The following STXBP6 variants were observed in gnomAD, a reference collection of about 807,000 sequenced individuals.
STXBP6 encodes syntaxin-binding protein 6.
STXBP6 carries 21 observed loss-of-function variants against 26.9 expected under a neutral mutation model. The ratio of observed to expected loss-of-function variants is 0.78; its 90% CI spans 0.55 to 1.12. The LOEUF (loss-of-function observed/expected upper bound fraction) is 1.12, where lower values mean the gene tolerates loss of function less well. STXBP6 is among the 50% of genes most tolerant of loss of function. The probability of loss-of-function intolerance (pLI) is 0.00; values close to 1 mark genes in which losing one functional copy is unlikely to be tolerated. For missense variants in STXBP6, 232 were observed against 257.9 expected, an observed-to-expected ratio of 0.90 and a Z score of 0.69; for synonymous variants, 97 against 92.6, an observed-to-expected ratio of 1.05 and a Z score of -0.27.
chr14:24,855,818 G>C (rs1195349992), intron 4 of STXBP6, 118 bp downstream of exon 4: 2 of 921,806 alleles, frequency 2.2e-6, no homozygotes, highest in East Asian at 2.6e-5. Context: ...GTCTAGCTCT[G>C]AGCATATTGA....
chr14:24,999,182 T>C (rs1257721539), intron 1 of STXBP6, among the ~76,000 whole-genome samples: 1 of 152,156 alleles, frequency 6.6e-6, no homozygotes, highest in Non-Finnish European at 1.5e-5. Flanking sequence ...AAGTCAGGGA[T>C]TGTCTGTGTA....
intron 1 of STXBP6, among the ~76,000 whole-genome samples, chr14:25,031,942 A>G (rs968029072): frequency 4.6e-5 from 7 of 152,188 alleles, no homozygotes; most frequent in Non-Finnish European, 7.4e-5. Flanking sequence ...CTTCCAACTA[A>G]AGGAAGAAAT....
At chr14:24,987,633 G>A (rs1379032688) in intron 1 of STXBP6, among the ~76,000 whole-genome samples, 1 of 152,184 alleles carries the variant, frequency 6.6e-6, no homozygotes, top group Non-Finnish European at 1.5e-5. Context: ...TGTCTCTACT[G>A]ACACATAAAG....
At chr14:24,857,293 T>G in intron 2 of STXBP6, 136 bp from the exon 3 acceptor site, 1 of 1,102,418 alleles carries the variant, frequency 9.1e-7, no homozygotes, top group Non-Finnish European at 1.3e-6. Flanking sequence ...AAGGAGGGAA[T>G]ATGAATAAAT....
chr14:24,975,068 C>A (rs2074009792), intron 1 of STXBP6, among the ~76,000 whole-genome samples: 1 of 152,082 alleles, frequency 6.6e-6, no homozygotes. Context: ...TTATTTACTT[C>A]CCAAAAATGT....
intron 1 of STXBP6, among the ~76,000 whole-genome samples, chr14:25,000,666 A>G (rs1026081172): frequency 1.3e-5 from 2 of 149,968 alleles, no homozygotes; most frequent in Non-Finnish European, 3.0e-5. Flanking sequence ...CTGACCATAA[A>G]GAAATTATCT....
intron 2 of STXBP6, among the ~76,000 whole-genome samples, chr14:24,858,713 A>G (rs1405875671): frequency 6.6e-6 from 1 of 152,118 alleles, no homozygotes; most frequent in East Asian, 1.9e-4. Context: ...TGTGTCTCCT[A>G]TGACACAAAT....
intron 4 of STXBP6, among the ~76,000 whole-genome samples, chr14:24,845,757 A>G (rs2068940863): frequency 6.6e-6 from 1 of 152,172 alleles, no homozygotes; most frequent in Non-Finnish European, 1.5e-5. Context: ...AGATATGATA[A>G]GTATCTCCAG....
chr14:25,042,607 C>T (rs2075661683), intron 1 of STXBP6, among the ~76,000 whole-genome samples: 1 of 152,194 alleles, frequency 6.6e-6, no homozygotes, highest in Non-Finnish European at 1.5e-5. Context: ...AATGGTAGAG[C>T]TATGTTTCAC....
intron 2 of STXBP6, among the ~76,000 whole-genome samples, chr14:24,882,207 G>A (rs1375396286): frequency 2.1e-4 from 32 of 150,082 alleles, no homozygotes; most frequent in East Asian, 2.0e-4. Context: ...GTGAAACCCC[G>A]TCTCTACTAA....
At chr14:25,029,088 A>G (rs1469919360) in intron 1 of STXBP6, among the ~76,000 whole-genome samples, 1 of 152,168 alleles carries the variant, frequency 6.6e-6, no homozygotes, top group Non-Finnish European at 1.5e-5. Context: ...GCGACAACAA[A>G]GGACTTAGAA....
chr14:24,875,189 C>T (rs2070091879), intron 2 of STXBP6, among the ~76,000 whole-genome samples: 1 of 152,158 alleles, frequency 6.6e-6, no homozygotes, highest in Non-Finnish European at 1.5e-5. Context: ...ATGGACATTA[C>T]ATGTGTCTTT....
In STXBP6 at chr14:25,049,257, G is replaced by A; in HGVS notation, c.-33+621C>T. 1 of 985,462 alleles carries A rather than the reference G, an allele frequency of 1.0e-6. No individual in the cohort carries two copies. The highest frequency in any genetic ancestry group is 1.2e-6 in the Non-Finnish European group (1 of 829,960). 61.0% of individuals were successfully genotyped at this position (985,462 alleles called of 1,614,324 possible). A position where few individuals can be genotyped will look rare whatever the true frequency, so the allele number is the denominator to read the frequency against. On this transcript the variant is annotated intron_variant, in intron 1 of 5. Coordinates refer to ENST00000323944, the MANE Select transcript of STXBP6 (RefSeq NM_001394410.1). The surrounding 1 kb of genome is among the most constrained non-coding windows in gnomAD (Gnocchi z 5.6). The stretch of plus-strand genomic sequence containing the variant: ...TGTTGGTGAGGCTCGATGCCGGCGT[G>A]CACGGCAAGCGCGAATTCGGAACCT...
intron 2 of STXBP6, among the ~76,000 whole-genome samples, chr14:24,947,832 C>T (rs968077468): frequency 6.6e-6 from 1 of 152,142 alleles, no homozygotes; most frequent in Non-Finnish European, 1.5e-5. Context: ...ACTCTACATG[C>T]CACTTCTCAA....
At chr14:24,992,502 AG>A (rs1332966705) in intron 1 of STXBP6, among the ~76,000 whole-genome samples, 1 of 152,234 alleles carries the variant, frequency 6.6e-6, no homozygotes, top group African/African-American at 2.4e-5. Flanking sequence ...GCAAATATAA[AG>A]GACCACTTAG....
chr14:25,037,233 C>T (rs17109518), intron 1 of STXBP6, among the ~76,000 whole-genome samples: 6,020 of 152,170 alleles, frequency 0.04, 373 homozygotes, highest in African/African-American at 0.13. Context: ...TTGACAGAGG[C>T]CCGGAGAGCT....
chr14:25,015,054 T>C (rs1168624406), intron 1 of STXBP6, among the ~76,000 whole-genome samples: 1 of 152,204 alleles, frequency 6.6e-6, no homozygotes, highest in Non-Finnish European at 1.5e-5. Flanking sequence ...TATGAGCCTT[T>C]TGACTTAGAT....
At chr14:24,923,919 C>G (rs967364632) in intron 2 of STXBP6, among the ~76,000 whole-genome samples, 1 of 152,138 alleles carries the variant, frequency 6.6e-6, no homozygotes, top group African/African-American at 2.4e-5. Context: ...CCTTTTAATG[C>G]AAATTAACAA....
chr14:24,851,901 A>G (rs2069169752), intron 4 of STXBP6, among the ~76,000 whole-genome samples: 1 of 152,142 alleles, frequency 6.6e-6, no homozygotes, highest in East Asian at 1.9e-4. Flanking sequence ...GTTGGTCCAG[A>G]TACAGCTGTG....
Sources: allele counts gnomAD v4.1 joint callset (sites outside exome capture counted in the v4.1 genomes callset), GRCh38; gene constraint gnomAD v4.1.1; non-coding constraint Gnocchi (gnomAD v3.1); transcripts MANE v1.5; gene names NCBI Gene and HGNC (gene_info 2026-07-23, HGNC 2026-07-21).